The following HABP2 variants were observed in gnomAD, a reference collection of about 807,000 sequenced individuals.
HABP2 encodes factor VII-activating protease.
In HABP2, 65 loss-of-function variants were observed where a neutral mutation model predicts 66.5. That is an observed-to-expected ratio of 0.98 (90% CI 0.80 to 1.20). HABP2 has a LOEUF of 1.20. HABP2 is among the 50% of genes most tolerant of loss of function. The probability of loss-of-function intolerance (pLI) is 0.00; values close to 1 mark genes in which losing one functional copy is unlikely to be tolerated. For synonymous variants in HABP2, 263 were observed against 253.9 expected (o/e 1.04, Z -0.34); for missense variants, 786 against 691.0 (o/e 1.14, Z -1.54).
chr10:113,588,230 G>T lies in HABP2; in HGVS notation c.1544G>T (p.Cys515Phe). 1 of 1,611,840 alleles carries T rather than the reference G, an allele frequency of 6.2e-7. No homozygotes were observed. Among genetic ancestry groups the T allele is most frequent in the Non-Finnish European group, 8.5e-7 (1 of 1,178,914 alleles). Residue 515 changes from cysteine to phenylalanine, a missense_variant, in exon 13 of 13, where the codon TGT becomes TTT. Physicochemically the swap from Cys to Phe is radical, Grantham distance 205 (BLOSUM62 -2). Coordinates refer to ENST00000351270, the MANE Select transcript of HABP2 (RefSeq NM_004132.5). ...GGTGACTCTGGAGGCCCCCTGACCT[G>T]TGAGAAGGACGGCACCTACTACGTC... ...CQGDSGGPLTCEKDGTYYVYG... is the reference protein window; with the variant it reads ...CQGDSGGPLTFEKDGTYYVYG...
intron 1 of HABP2, among the ~76,000 whole-genome samples, chr10:113,556,138 G>T (rs1234177145): frequency 6.6e-6 from 1 of 152,178 alleles, no homozygotes; most frequent in Non-Finnish European, 1.5e-5. Flanking sequence ...TCTTCCCAGG[G>T]ATAGAGCCAC....
intron 1 of HABP2, among the ~76,000 whole-genome samples, chr10:113,559,890 G>A (rs185664032): frequency 1.2e-4 from 19 of 152,344 alleles, no homozygotes; most frequent in Admixed American, 3.3e-4. Context: ...CTCTGAGCCA[G>A]GCATAGGTGA....
chr10:113,553,950 A>G (rs1232725154), intron 1 of HABP2, among the ~76,000 whole-genome samples: 1 of 152,154 alleles, frequency 6.6e-6, no homozygotes, highest in Non-Finnish European at 1.5e-5. Flanking sequence ...ACAGAAATAG[A>G]GTCTCCTTGG....
In HABP2 at chr10:113,574,307, A is replaced by AGC; in HGVS notation, c.125_126insGC (p.Tyr42Ter). Residue 42 changes from tyrosine to a stop codon, truncating the protein, a stop_gained and frameshift_variant, in exon 3 of 13, where the codon TAT becomes TAGCT. Coordinates refer to ENST00000351270, the MANE Select transcript of HABP2 (RefSeq NM_004132.5). LOFTEE classifies it high-confidence loss of function. ...CCTGCAGACTGGACCCCTGACCAGT[A>AGC]TGATTACAGCTACGAGGATTATAAT... is the stretch of plus-strand genomic sequence containing the variant. ...SLDPDWTPDQ[Y>*]DYSYEDYNQE... 2 of 1,592,222 alleles carry AGC rather than the reference A, an allele frequency of 1.3e-6. No individual in the cohort carries two copies. The highest frequency in any genetic ancestry group is 8.6e-7 in the Non-Finnish European group (1 of 1,159,834).
chr10:113,556,761 T>A (rs1415703112), intron 1 of HABP2, among the ~76,000 whole-genome samples: 1 of 150,382 alleles, frequency 6.6e-6, no homozygotes, highest in Non-Finnish European at 1.5e-5. Flanking sequence ...GAAGCTTGAG[T>A]TTCCCAGATC....
At chr10:113,575,456 G>A (rs1454861137) in intron 3 of HABP2, among the ~76,000 whole-genome samples, 1 of 152,150 alleles carries the variant, frequency 6.6e-6, no homozygotes, top group Non-Finnish European at 1.5e-5. Flanking sequence ...CGTTTCATTA[G>A]GGGTGGGTTT....
At chr10:113,563,182 A>G (rs1046239332) in intron 1 of HABP2, among the ~76,000 whole-genome samples, 1 of 152,070 alleles carries the variant, frequency 6.6e-6, no homozygotes, top group Non-Finnish European at 1.5e-5. Context: ...TCTTCCTCCT[A>G]CTCTTCCATC....
chr10:113,575,864 T>C (rs1226600057), intron 3 of HABP2, 33 bp from the exon 4 acceptor site: 1 of 1,291,102 alleles, frequency 7.7e-7, no homozygotes, highest in Non-Finnish European at 1.1e-6. Context: ...CTGCCTTTCC[T>C]TACCAACATT....
chr10:113,559,110 C>T (rs1212974772), intron 1 of HABP2, among the ~76,000 whole-genome samples: 3 of 152,218 alleles, frequency 2.0e-5, no homozygotes, highest in African/African-American at 7.2e-5. Context: ...CCGCCCTGGC[C>T]TCCCAAAGTG....
chr10:113,584,060 G>C lies in HABP2; in HGVS notation c.1238-88G>C. The C allele has an allele frequency of 2.6e-6, 3 of 1,162,526 alleles. No homozygotes were observed. The East Asian group carries it at 7.2e-5, about 28-fold the overall frequency. 72.0% of individuals were successfully genotyped at this position (1,162,526 alleles called of 1,614,324 possible). Reference sequence around the variant, plus strand: ...TGGTGGGGGCAGGTGGGGCTTTGCTGTGGCCACCTTCATGAGCAAGTTGGA... The same window carrying C: ...TGGTGGGGGCAGGTGGGGCTTTGCTCTGGCCACCTTCATGAGCAAGTTGGA... On this transcript the variant is annotated intron_variant, in intron 10 of 12. Transcript: ENST00000351270.
intron 2 of HABP2, among the ~76,000 whole-genome samples, chr10:113,571,153 G>C (rs1447315821): frequency 6.6e-6 from 1 of 152,170 alleles, no homozygotes; most frequent in Non-Finnish European, 1.5e-5. Context: ...ACAATTCTTT[G>C]GGTTGACAAT....
chr10:113,570,126 C>T (rs1016826704), intron 2 of HABP2: 3 of 152,180 alleles, frequency 2.0e-5, no homozygotes, highest in Non-Finnish European at 2.9e-5. Flanking sequence ...ATTCCAGGAT[C>T]GTAAAAAGGC....
chr10:113,578,945 G>A (rs1845468190), intron 7 of HABP2, 147 bp downstream of exon 7: 1 of 630,480 alleles, frequency 1.6e-6, no homozygotes, highest in Non-Finnish European at 2.8e-6. Context: ...CCAAATGTCA[G>A]TGGCTCAAAT....
chr10:113,568,712 G>C (rs1374660053), intron 2 of HABP2, among the ~76,000 whole-genome samples: 1 of 152,186 alleles, frequency 6.6e-6, no homozygotes, highest in East Asian at 1.9e-4. Flanking sequence ...GGGGCTGGAA[G>C]GGTGGCCTCT....
At chr10:113,556,807 T>C (rs1272727620) in intron 1 of HABP2, among the ~76,000 whole-genome samples, 7 of 56,906 alleles carry the variant, frequency 1.2e-4, no homozygotes. Flanking sequence ...TTTTATTCTT[T>C]TTTTTTTTTT....
intron 11 of HABP2, among the ~76,000 whole-genome samples, chr10:113,585,010 C>T (rs1427677322): frequency 6.6e-6 from 1 of 152,182 alleles, no homozygotes; most frequent in Admixed American, 6.5e-5. Context: ...TCTTCCTTCG[C>T]AAATCCTGTC....
chr10:113,583,293 G>A lies in HABP2; in HGVS notation c.1172G>A (p.Arg391Lys), dbSNP rs756617298. ...KKEEFHEQSF[R>K]VEKIFKYSHY... ...GAAGAATTTCATGAGCAGAGCTTTAGGGTGGAGAAGATATTCAAGTACAGC... is the reference window on the plus strand; with the variant it reads ...GAAGAATTTCATGAGCAGAGCTTTAAGGTGGAGAAGATATTCAAGTACAGC... Residue 391 changes from arginine (R) to lysine (K), a missense_variant, in exon 10 of 13, where the codon AGG (arginine) becomes AAG (lysine). Physicochemically the swap from Arg to Lys is conservative, Grantham distance 26. Coordinates refer to ENST00000351270, the MANE Select transcript of HABP2 (RefSeq NM_004132.5). 16 of 1,611,522 alleles carry A rather than the reference G, an allele frequency of 9.9e-6. No individual in the cohort carries two copies. Among genetic ancestry groups the A allele is most frequent in the African/African-American group, 9.4e-5 (7 of 74,864 alleles).
At chr10:113,572,531 C>A in intron 2 of HABP2, 1 of 241,430 alleles carries the variant, frequency 4.1e-6, no homozygotes, top group Non-Finnish European at 8.4e-6. Context: ...AATAACTAAG[C>A]AATGCAATCA....
rs772880609 is a variant in HABP2 at position 113,578,822 on chromosome 10, CAGT to C, written c.740+25_740+27del. 4 of 1,533,796 alleles carry C rather than the reference CAGT, an allele frequency of 2.6e-6. No individual in the cohort carries two copies. In the South Asian group the frequency reaches 4.5e-5, roughly 17 times the overall value. On this transcript the variant is annotated intron_variant, in intron 7 of 12. Coordinates refer to ENST00000351270, the MANE Select transcript of HABP2 (RefSeq NM_004132.5). Reference sequence around the variant, plus strand: ...AGGTAACATTTACCTTATTTATGCTCAGTTGATTTTGGTCACTTATTTTAAAAC... The same window carrying C: ...AGGTAACATTTACCTTATTTATGCTCTGATTTTGGTCACTTATTTTAAAAC...
Sources: allele counts gnomAD v4.1 joint callset (sites outside exome capture counted in the v4.1 genomes callset), GRCh38; gene constraint gnomAD v4.1.1; transcripts MANE v1.5; gene names NCBI Gene and HGNC (gene_info 2026-07-23, HGNC 2026-07-21).